Variants in NTN4 observed in about 807,000 individuals in gnomAD.
The protein encoded by NTN4 is netrin 4.
NTN4 carries 32 observed loss-of-function variants against 73.6 expected under a neutral mutation model. The observed-to-expected ratio is 0.44, with a 90% CI of 0.33 to 0.58. The LOEUF (loss-of-function observed/expected upper bound fraction) is 0.58, where lower values mean the gene tolerates loss of function less well. NTN4 is among the 20% of genes least tolerant of loss of function. The pLI is 0.04. For missense variants in NTN4, 654 were observed against 798.3 expected (o/e 0.82, Z 2.18); for synonymous variants, 258 against 287.5 (o/e 0.90, Z 1.04).
chr12:95,755,279 G>A (rs1490802888), intron 2 of NTN4, among the ~76,000 whole-genome samples: 1 of 152,334 alleles, frequency 6.6e-6, no homozygotes, highest in South Asian at 2.1e-4. Flanking sequence ...GTCAGATGAG[G>A]ACATGTATCC....
intron 2 of NTN4, among the ~76,000 whole-genome samples, chr12:95,765,833 A>C (rs1363492040): frequency 6.6e-6 from 1 of 152,200 alleles, no homozygotes; most frequent in Non-Finnish European, 1.5e-5. Flanking sequence ...CTTACAAAGG[A>C]AGAATCCAAG....
intron 2 of NTN4, among the ~76,000 whole-genome samples, chr12:95,775,123 G>A (rs2079082297): frequency 6.6e-6 from 1 of 152,170 alleles, no homozygotes; most frequent in African/African-American, 2.4e-5. Context: ...AGCAAAAGGG[G>A]TTTTTATCAA....
intron 2 of NTN4, among the ~76,000 whole-genome samples, chr12:95,779,202 A>G (rs1395224892): frequency 6.6e-6 from 1 of 152,230 alleles, no homozygotes; most frequent in African/African-American, 2.4e-5. Context: ...AGCCAATATC[A>G]TACTGAATGG....
intron 3 of NTN4, among the ~76,000 whole-genome samples, chr12:95,719,485 T>C (rs1285246172): frequency 1.3e-5 from 2 of 152,114 alleles, no homozygotes; most frequent in African/African-American, 2.4e-5. Flanking sequence ...AGGCAAAAAC[T>C]GATTAATTTC....
At chr12:95,768,518 T>A (rs1271503323) in intron 2 of NTN4, among the ~76,000 whole-genome samples, 1 of 151,716 alleles carries the variant, frequency 6.6e-6, no homozygotes, top group Admixed American at 6.6e-5. Flanking sequence ...GCCCAACAGA[T>A]CCAGCTAGAG....
rs371848057 is a variant in NTN4 at position 95,787,320 on chromosome 12, C to A, written c.204G>T (p.Thr68=). Reference sequence around the variant, plus strand: ...ATTTGGGCTGCCGACAAGTCAGATCCGTGTTCTCACTGTAGAAGCAGTACA... The same window carrying A: ...ATTTGGGCTGCCGACAAGTCAGATCAGTGTTCTCACTGTAGAAGCAGTACA... ...TELYCFYSEN[T]DLTCRQPKCD... is the part of the protein sequence containing the mutation. Residue 68 remains threonine, a synonymous_variant, in exon 2 of 10, where the codon ACG becomes ACT. Transcript: ENST00000343702. 1 of 1,614,074 alleles carries A rather than the reference C, an allele frequency of 6.2e-7. No individual in the cohort carries two copies. The highest frequency in any genetic ancestry group is 1.3e-5 in the African/African-American group (1 of 74,924).
At chr12:95,738,857 TGCA>T (rs1478374653) in intron 2 of NTN4, among the ~76,000 whole-genome samples, 1 of 152,196 alleles carries the variant, frequency 6.6e-6, no homozygotes, top group Admixed American at 6.5e-5. Flanking sequence ...ATTTGGCCTC[TGCA>T]GCTCATGGTC....
chr12:95,748,543 T>C (rs2078879696), intron 2 of NTN4, among the ~76,000 whole-genome samples: 1 of 150,328 alleles, frequency 6.7e-6, no homozygotes, highest in Non-Finnish European at 1.5e-5. Flanking sequence ...AGTGGCATGA[T>C]CTCGGCTCAC....
At chr12:95,669,257 T>C (rs944565373) in intron 8 of NTN4, among the ~76,000 whole-genome samples, 3 of 151,512 alleles carry the variant, frequency 2.0e-5, no homozygotes, top group African/African-American at 7.3e-5. Context: ...GTTGGCAAGA[T>C]ATGATATCTT....
intron 5 of NTN4, among the ~76,000 whole-genome samples, chr12:95,684,410 T>G (rs751336480): frequency 2.0e-5 from 3 of 151,954 alleles, no homozygotes; most frequent in Non-Finnish European, 2.9e-5. Context: ...GCGATCCTCC[T>G]GCCTTAGTCT....
intron 2 of NTN4, among the ~76,000 whole-genome samples, chr12:95,769,363 G>A (rs937058591): frequency 6.6e-5 from 10 of 152,090 alleles, no homozygotes; most frequent in Admixed American, 2.0e-4. Context: ...ACAAATAGGA[G>A]CCAGAGCAGA....
intron 3 of NTN4, among the ~76,000 whole-genome samples, 186 bp downstream of exon 3, chr12:95,737,680 C>T (rs187732420): frequency 6.6e-6 from 1 of 152,296 alleles, no homozygotes; most frequent in Admixed American, 6.5e-5. Context: ...TCAGGCTTGA[C>T]TACAACTCTA....
chr12:95,776,763 C>T (rs1237468144), intron 2 of NTN4, among the ~76,000 whole-genome samples: 1 of 152,084 alleles, frequency 6.6e-6, no homozygotes. Context: ...GAGAACTTCC[C>T]CAACCTAGCA....
At chr12:95,660,637 C>T (rs1431753734) in intron 9 of NTN4, among the ~76,000 whole-genome samples, 2 of 151,872 alleles carry the variant, frequency 1.3e-5, no homozygotes, top group African/African-American at 2.4e-5. Flanking sequence ...TTTGTAATAA[C>T]GTAGATTTTG....
chr12:95,690,172 A>G (rs557668389), intron 5 of NTN4, among the ~76,000 whole-genome samples: 1 of 152,366 alleles, frequency 6.6e-6, no homozygotes, highest in East Asian at 1.9e-4. Flanking sequence ...CTATTTACAA[A>G]GGACAATGGA....
At position 95,720,917 on chromosome 12, in the gene NTN4, T is replaced by C. The variant is rs550765101; in HGVS notation, c.865-7579A>G. 2.0e-5 allele frequency among the ~76,000 whole-genome samples: 3 copies of C among 152,340 alleles called. No individual in the cohort carries two copies. The South Asian group carries it at 6.2e-4, about 32-fold the overall frequency. The stretch of plus-strand genomic sequence containing the variant: ...TTCTAGGCATTGTATAAATATTAAC[T>C]CAATTCCTTTACACGAAAACCCCAT... On this transcript the variant is annotated intron_variant, in intron 3 of 9. Coordinates refer to ENST00000343702, the MANE Select transcript of NTN4 (RefSeq NM_021229.4).
chr12:95,777,574 A>G (rs893187093), intron 2 of NTN4, among the ~76,000 whole-genome samples: 1 of 152,224 alleles, frequency 6.6e-6, no homozygotes, highest in Non-Finnish European at 1.5e-5. Flanking sequence ...AGGACATTAC[A>G]TAATGGTAAA....
At chr12:95,671,783 T>C (rs79927534) in intron 7 of NTN4, among the ~76,000 whole-genome samples, 7,381 of 152,228 alleles carry the variant, frequency 0.048, 356 homozygotes, top group East Asian at 0.24. Flanking sequence ...CTTATCAACC[T>C]TACATTTCTG....
At chr12:95,681,711 C>A (rs956810236) in intron 7 of NTN4, among the ~76,000 whole-genome samples, 2 of 151,934 alleles carry the variant, frequency 1.3e-5, no homozygotes, top group Non-Finnish European at 1.5e-5. Context: ...GCATGCCCTT[C>A]GAAAGAAGAA....
Sources: gnomAD v4.1 joint callset for allele counts (sites outside exome capture counted in the v4.1 genomes callset) on GRCh38, gnomAD v4.1.1 for gene constraint, MANE v1.5 for transcripts, NCBI Gene and HGNC (gene_info 2026-07-23, HGNC 2026-07-21) for gene names.